Variants in CSMD1 observed in about 807,000 individuals in gnomAD.
The protein encoded by CSMD1 is CUB and sushi domain-containing protein 1.
Under a neutral mutation model 417.5 loss-of-function variants are expected in CSMD1, and 213 were observed. The ratio of observed to expected loss-of-function variants is 0.51; its 90% CI spans 0.46 to 0.57. The LOEUF (loss-of-function observed/expected upper bound fraction) is 0.57, where lower values mean the gene tolerates loss of function less well. CSMD1 is among the 20% of genes least tolerant of loss of function. CSMD1 has a pLI of 0.00. For synonymous variants in CSMD1, 2,862 were observed against 1,736.8 expected (o/e 1.65, Z -16.11); for missense variants, 6,923 against 4,529.7 (o/e 1.53, Z -15.17).
chr8:3,439,273 C>T (rs554898829), intron 12 of CSMD1, among the ~76,000 whole-genome samples: 2 of 88,232 alleles, frequency 2.3e-5, no homozygotes, highest in Non-Finnish European at 4.4e-5. Flanking sequence ...GAGCATTTGG[C>T]AATGTCAGTA....
chr8:4,783,021 G>T (rs556893834), intron 1 of CSMD1, among the ~76,000 whole-genome samples: 3 of 151,178 alleles, frequency 2.0e-5, no homozygotes, highest in Non-Finnish European at 4.4e-5. Context: ...GTCATGTCTG[G>T]AAATGGTAGC....
chr8:3,483,641 A>G (rs1443604981), intron 11 of CSMD1, among the ~76,000 whole-genome samples: 1 of 152,168 alleles, frequency 6.6e-6, no homozygotes, highest in African/African-American at 2.4e-5. Flanking sequence ...TAATGAAGAT[A>G]GTATTCAACT....
intron 1 of CSMD1, among the ~76,000 whole-genome samples, chr8:4,881,525 C>A (rs552750257): frequency 8.8e-6 from 1 of 113,838 alleles, no homozygotes; most frequent in Non-Finnish European, 1.7e-5. Flanking sequence ...GTCAGAAACT[C>A]GAAGTTAGTT....
intron 1 of CSMD1, among the ~76,000 whole-genome samples, chr8:4,832,391 C>G (rs558344794): frequency 6.6e-6 from 1 of 152,238 alleles, no homozygotes; most frequent in East Asian, 1.9e-4. Flanking sequence ...CTGAAAGATA[C>G]AGTGGACATT....
intron 3 of CSMD1, among the ~76,000 whole-genome samples, chr8:4,293,629 G>C (rs1402818971): frequency 1.3e-5 from 2 of 152,046 alleles, no homozygotes; most frequent in Non-Finnish European, 2.9e-5. Flanking sequence ...CGTGTATTTT[G>C]ACTGTAAGAC....
chr8:4,854,186 G>T (rs184092969), intron 1 of CSMD1, among the ~76,000 whole-genome samples: 1 of 152,118 alleles, frequency 6.6e-6, no homozygotes. Context: ...ATGTGAGAAG[G>T]GCATGAGATT....
intron 5 of CSMD1, among the ~76,000 whole-genome samples, chr8:3,979,215 G>A (rs1375886248): frequency 1.3e-5 from 2 of 152,208 alleles, no homozygotes; most frequent in Non-Finnish European, 2.9e-5. Context: ...TCTCAATAAT[G>A]TATAGGAAGT....
chr8:4,469,729 A>G (rs1404345813), intron 2 of CSMD1, among the ~76,000 whole-genome samples: 2 of 151,976 alleles, frequency 1.3e-5, no homozygotes, highest in Non-Finnish European at 2.9e-5. Flanking sequence ...GTCCCTCTAC[A>G]TCTCTGCACA....
chr8:4,330,287 C>G (rs762889083), intron 3 of CSMD1, among the ~76,000 whole-genome samples: 7 of 142,796 alleles, frequency 4.9e-5, no homozygotes, highest in African/African-American at 1.7e-4. Flanking sequence ...TACAAAGTAA[C>G]ACTATATTGT....
At chr8:3,459,281 G>C (rs1816347217) in intron 12 of CSMD1, among the ~76,000 whole-genome samples, 1 of 152,186 alleles carries the variant, frequency 6.6e-6, no homozygotes, top group Non-Finnish European at 1.5e-5. Flanking sequence ...GCAGGGTGAG[G>C]CGAGGAGAGA....
chr8:3,046,675 A>T (rs887060126), intron 50 of CSMD1, among the ~76,000 whole-genome samples: 1 of 151,974 alleles, frequency 6.6e-6, no homozygotes, highest in Non-Finnish European at 1.5e-5. Flanking sequence ...CTGATGCCCA[A>T]AGCACCGGTG....
chr8:3,716,315 G>T (rs939050742), intron 6 of CSMD1, among the ~76,000 whole-genome samples: 35 of 152,148 alleles, frequency 2.3e-4, no homozygotes, highest in African/African-American at 7.7e-4. Flanking sequence ...GTGAAAGCAA[G>T]TTTATTGAGA....
chr8:3,118,488 T>C lies in CSMD1; in HGVS notation c.6341A>G (p.Tyr2114Cys), dbSNP rs374951869. ...SVGQSVSFEC[Y>C]PGYILIGHPV... ...ATGGCCTATTAGAATGTACCCAGGATAACACTCGAAAGATACTGATTGCCC... is the reference window on the plus strand; with the variant it reads ...ATGGCCTATTAGAATGTACCCAGGACAACACTCGAAAGATACTGATTGCCC... The change falls in exon 42 of 70, where the codon TAT becomes TGT. Residue 2114 changes from tyrosine to cysteine, a missense_variant. Physicochemically the swap from Tyr to Cys is radical, Grantham distance 194 (BLOSUM62 -2). Transcript: ENST00000635120. The C allele has an allele frequency of 9.3e-6, 15 of 1,613,772 alleles. No homozygotes were observed. The highest frequency in any genetic ancestry group is 1.6e-4 in the Middle Eastern group (1 of 6,084).
chr8:3,383,098 ACCACAAAT>A (rs57083837), intron 18 of CSMD1, among the ~76,000 whole-genome samples: 91,231 of 151,340 alleles, frequency 0.6, 27,781 homozygotes, highest in Middle Eastern at 0.66. Context: ...ATCGTTCCTT[ACCACAAAT>A]CCACAAATTT....
At chr8:4,787,314 C>T in intron 1 of CSMD1, 1 of 715,022 alleles carries the variant, frequency 1.4e-6, no homozygotes, top group Non-Finnish European at 2.6e-6. Flanking sequence ...GGTCGCAGCC[C>T]TCAGCCCACT....
At chr8:3,639,683 C>T (rs1179730910) in intron 7 of CSMD1, among the ~76,000 whole-genome samples, 1 of 152,116 alleles carries the variant, frequency 6.6e-6, no homozygotes, top group Non-Finnish European at 1.5e-5. Context: ...GTATGTAAAC[C>T]CTAAGGCACT....
chr8:4,661,422 A>C (rs1194472356), intron 1 of CSMD1, among the ~76,000 whole-genome samples: 1 of 152,134 alleles, frequency 6.6e-6, no homozygotes, highest in Admixed American at 6.5e-5. Context: ...GATTTTTATA[A>C]CATTTTTGAA....
chr8:3,732,132 C>T (rs750735743), intron 6 of CSMD1, among the ~76,000 whole-genome samples: 7 of 152,144 alleles, frequency 4.6e-5, no homozygotes, highest in Admixed American at 2.6e-4. Context: ...GGGCTCCTAG[C>T]GGAAGCCACG....
At chr8:2,974,124 G>GATGATGGTA (rs1563196757) in intron 56 of CSMD1, among the ~76,000 whole-genome samples, 5 of 151,212 alleles carry the variant, frequency 3.3e-5, no homozygotes, top group Admixed American at 6.6e-5. Context: ...GATGGTAGAG[G>GATGATGGTA]GAGGGAAAAT....
Sources: gnomAD v4.1 joint callset for allele counts (sites outside exome capture counted in the v4.1 genomes callset) on GRCh38, gnomAD v4.1.1 for gene constraint, MANE v1.5 for transcripts, NCBI Gene and HGNC (gene_info 2026-07-23, HGNC 2026-07-21) for gene names.